The following ANXA8 variants were observed in gnomAD, a reference collection of about 807,000 sequenced individuals.
ANXA8 encodes annexin A8, also known as VAC-beta.
In ANXA8, 9 loss-of-function variants were observed where a neutral mutation model predicts 26.8. That is an observed-to-expected ratio of 0.34 (90% CI 0.20 to 0.59). The LOEUF is 0.59. ANXA8 is among the 20% of genes least tolerant of loss of function. ANXA8 has a pLI of 0.84. For synonymous variants in ANXA8, 39 were observed against 94.8 expected, an observed-to-expected ratio of 0.41 and a Z score of 3.42; for missense variants, 83 against 238.5, an observed-to-expected ratio of 0.35 and a Z score of 4.29.
At chr10:47,495,256 A>G in the ANXA8 span, among the ~76,000 whole-genome samples, 1 of 46,616 alleles carries the variant, frequency 2.1e-5, no homozygotes, top group Non-Finnish European at 5.0e-5. Flanking sequence ...GAAACATGGC[A>G]TTATTATTAT....
the ANXA8 span, among the ~76,000 whole-genome samples, chr10:47,721,562 G>A: frequency 1.5e-4 from 20 of 134,774 alleles, 2 homozygotes; most frequent in South Asian, 7.0e-4. Context: ...ACAGAGTTTC[G>A]CTCTTGTTGC....
chr10:47,733,155 TTC>T, the ANXA8 span, among the ~76,000 whole-genome samples: 4 of 92,178 alleles, frequency 4.3e-5, no homozygotes, highest in Non-Finnish European at 9.3e-5. Flanking sequence ...CTTTCTTTCT[TTC>T]TTTCTTTCTT....
the ANXA8 span, among the ~76,000 whole-genome samples, chr10:47,969,739 G>T: frequency 6.7e-6 from 1 of 149,842 alleles, no homozygotes; most frequent in Non-Finnish European, 1.5e-5. Flanking sequence ...TCTAAGAGAT[G>T]GGGTCTCGCT....
the ANXA8 span, among the ~76,000 whole-genome samples, chr10:47,704,597 T>G: frequency 6.6e-6 from 1 of 151,172 alleles, no homozygotes; most frequent in African/African-American, 2.4e-5. Context: ...AAGGTAGAAA[T>G]AAAACTGCCA....
the ANXA8 span, among the ~76,000 whole-genome samples, chr10:47,772,324 GT>G: frequency 6.6e-6 from 1 of 152,162 alleles, no homozygotes; most frequent in Non-Finnish European, 1.5e-5. Context: ...CTAACACCAA[GT>G]TCAAAGGCAG....
At chr10:47,679,466 T>A in the ANXA8 span, among the ~76,000 whole-genome samples, 4 of 151,868 alleles carry the variant, frequency 2.6e-5, no homozygotes, top group Non-Finnish European at 5.9e-5. Flanking sequence ...ATATAAAAAG[T>A]TAGCTAAGCA....
chr10:47,577,224 CA>C, the ANXA8 span, among the ~76,000 whole-genome samples: 2,141 of 110,756 alleles, frequency 0.019, 46 homozygotes, highest in African/African-American at 0.059. Context: ...GACTCCATCT[CA>C]AAAAAAAAAA....
At chr10:47,669,861 G>C in the ANXA8 span, among the ~76,000 whole-genome samples, 1 of 150,652 alleles carries the variant, frequency 6.6e-6, no homozygotes, top group African/African-American at 2.5e-5. Flanking sequence ...CTTTTTTGTT[G>C]TGGTAAAATA....
chr10:47,693,821 GT>G, the ANXA8 span, among the ~76,000 whole-genome samples: 53,482 of 125,308 alleles, frequency 0.43, 8,903 homozygotes, highest in East Asian at 0.58. Context: ...CTGAAATACT[GT>G]TTTTTTTTGG....
chr10:47,720,692 A>G, the ANXA8 span, among the ~76,000 whole-genome samples: 10 of 141,348 alleles, frequency 7.1e-5, no homozygotes, highest in Non-Finnish European at 1.2e-4. Context: ...AACTAAATTC[A>G]GATATATTCC....
At chr10:47,500,459 C>T in the ANXA8 span, among the ~76,000 whole-genome samples, 1 of 151,112 alleles carries the variant, frequency 6.6e-6, no homozygotes, top group Non-Finnish European at 1.5e-5. Context: ...TCATAAGGCA[C>T]CTCAGTCTGG....
chr10:47,611,238 GTC>G, the ANXA8 span, among the ~76,000 whole-genome samples: 1 of 57,088 alleles, frequency 1.8e-5, no homozygotes, highest in African/African-American at 7.6e-5. Flanking sequence ...GCTTAGCAGT[GTC>G]TCTGGCCAGT....
At chr10:47,752,958 A>C in the ANXA8 span, 2 of 83,002 alleles carry the variant, frequency 2.4e-5, no homozygotes, top group African/African-American at 9.7e-5. Context: ...AATAAAAAAA[A>C]TTAGCCAGGC....
chr10:47,666,546 G>A, the ANXA8 span, among the ~76,000 whole-genome samples: 1 of 151,882 alleles, frequency 6.6e-6, no homozygotes, highest in African/African-American at 2.4e-5. Context: ...GAGTTATGAT[G>A]TCGTGCAAGT....
chr10:47,599,915 G>A, the ANXA8 span: 1 of 150,158 alleles, frequency 6.7e-6, no homozygotes, highest in Admixed American at 6.6e-5. Flanking sequence ...TTGGCCACGC[G>A]GCCGTCGCCG....
the ANXA8 span, chr10:47,692,676 C>T: frequency 7.5e-6 from 1 of 133,784 alleles, no homozygotes; most frequent in Non-Finnish European, 1.6e-5. Context: ...AGCCTCCTGC[C>T]TCAGTCTCCC....
chr10:47,901,820 T>C, the ANXA8 span, among the ~76,000 whole-genome samples: 1 of 150,830 alleles, frequency 6.6e-6, no homozygotes, highest in Non-Finnish European at 1.5e-5. Flanking sequence ...AGTATTATTA[T>C]AAAATTGAAG....
the ANXA8 span, among the ~76,000 whole-genome samples, chr10:47,915,021 G>A: frequency 7.9e-5 from 12 of 152,378 alleles, no homozygotes; most frequent in East Asian, 1.9e-4. Flanking sequence ...TGGTTTCCCC[G>A]GATAGCTGAT....
chr10:47,683,454 T>G, the ANXA8 span, among the ~76,000 whole-genome samples: 1 of 152,036 alleles, frequency 6.6e-6, no homozygotes, highest in East Asian at 1.9e-4. Flanking sequence ...GGCCTCGATC[T>G]CCTGACTTCG....
Sources: gnomAD v4.1 joint callset for allele counts (sites outside exome capture counted in the v4.1 genomes callset) on GRCh38, gnomAD v4.1.1 for gene constraint, MANE v1.5 for transcripts, NCBI Gene and HGNC (gene_info 2026-07-23, HGNC 2026-07-21) for gene names.